ANXA13: variants seen among roughly 807,000 people sequenced by gnomAD.
The protein encoded by ANXA13 is annexin XIII.
In ANXA13, 36 loss-of-function variants were observed where a neutral mutation model predicts 46.6. The observed-to-expected ratio is 0.77, with a 90% CI of 0.59 to 1.02. ANXA13 has a LOEUF of 1.02. ANXA13 is among the 50% of genes least tolerant of loss of function. ANXA13 has a pLI of 0.00. For synonymous variants in ANXA13, 163 were observed against 152.9 expected (o/e 1.07, Z -0.49); for missense variants, 417 against 396.5 (o/e 1.05, Z -0.44).
At chr8:123,735,635 A>G in intron 1 of ANXA13, 2 of 1,244,678 alleles carry the variant, frequency 1.6e-6, no homozygotes, top group East Asian at 2.6e-5. Flanking sequence ...TGGAAGTCAC[A>G]CCTGATGATG....
At chr8:123,732,168 C>T (rs979240352) in intron 1 of ANXA13, among the ~76,000 whole-genome samples, 1 of 152,164 alleles carries the variant, frequency 6.6e-6, no homozygotes, top group Admixed American at 6.5e-5. Context: ...TGTGCTTGAC[C>T]TCTTACTAGC....
chr8:123,684,862 C>T (rs1813111911), intron 9 of ANXA13, 140 bp from the exon 10 acceptor site: 13 of 637,378 alleles, frequency 2.0e-5, no homozygotes, highest in Admixed American at 5.4e-5. Context: ...GACTTGACAC[C>T]GTTGCGAAAT....
chr8:123,735,839 C>T (rs1220179910), intron 1 of ANXA13: 1 of 1,612,090 alleles, frequency 6.2e-7, no homozygotes, highest in Non-Finnish European at 8.5e-7. Flanking sequence ...CCCCTTTAGG[C>T]AACTGTTGAC....
intron 1 of ANXA13, among the ~76,000 whole-genome samples, chr8:123,715,785 G>A (rs540605529): frequency 2.0e-5 from 3 of 152,170 alleles, no homozygotes; most frequent in Non-Finnish European, 2.9e-5. Context: ...GCCAGGCAGC[G>A]GTTGAGTGGG....
intron 10 of ANXA13, among the ~76,000 whole-genome samples, chr8:123,682,298 C>T (rs1813054020): frequency 6.6e-6 from 1 of 152,172 alleles, no homozygotes; most frequent in Admixed American, 6.5e-5. Flanking sequence ...AAAAATAAAT[C>T]CAAAGATTGC....
intron 1 of ANXA13, chr8:123,729,210 A>T (rs1814061544): frequency 6.6e-6 from 1 of 152,214 alleles, no homozygotes; most frequent in South Asian, 2.1e-4. Context: ...ATCTGGAGCT[A>T]TGTGAGGCCA....
At chr8:123,735,406 A>T (rs1338069802) in intron 1 of ANXA13, among the ~76,000 whole-genome samples, 1 of 152,076 alleles carries the variant, frequency 6.6e-6, no homozygotes, top group African/African-American at 2.4e-5. Context: ...AAGATTTTGT[A>T]TTTACTTTTT....
chr8:123,725,407 A>G (rs560378659), intron 1 of ANXA13, among the ~76,000 whole-genome samples: 2 of 152,306 alleles, frequency 1.3e-5, no homozygotes, highest in South Asian at 2.1e-4. Context: ...TCCATCTCCT[A>G]TCTCTCTCAG....
At chr8:123,721,248 T>C (rs1257469663) in intron 1 of ANXA13, among the ~76,000 whole-genome samples, 3 of 152,206 alleles carry the variant, frequency 2.0e-5, no homozygotes, top group Admixed American at 1.3e-4. Context: ...TTGCCTTGTA[T>C]AGATCTTAAG....
intron 9 of ANXA13, among the ~76,000 whole-genome samples, chr8:123,686,489 A>G (rs1353028494): frequency 6.6e-6 from 1 of 151,634 alleles, no homozygotes; most frequent in Non-Finnish European, 1.5e-5. Context: ...AAAGAAAGAA[A>G]GAAAAAAACC....
chr8:123,722,553 G>T (rs1407176131), intron 1 of ANXA13, among the ~76,000 whole-genome samples: 1 of 152,130 alleles, frequency 6.6e-6, no homozygotes, highest in Non-Finnish European at 1.5e-5. Flanking sequence ...AATGAAAAAT[G>T]AAGTCACCGC....
intron 1 of ANXA13, among the ~76,000 whole-genome samples, chr8:123,714,265 C>T (rs754375006): frequency 6.6e-6 from 1 of 152,142 alleles, no homozygotes; most frequent in Non-Finnish European, 1.5e-5. Context: ...AGGCACGTGT[C>T]CTGTGACTCT....
chr8:123,701,637 G>A (rs1488108257), intron 3 of ANXA13, among the ~76,000 whole-genome samples: 1 of 152,138 alleles, frequency 6.6e-6, no homozygotes, highest in East Asian at 1.9e-4. Flanking sequence ...CAGCCATTTG[G>A]GCCATTTAGT....
chr8:123,692,539 T>C (rs886209149), intron 8 of ANXA13, among the ~76,000 whole-genome samples: 3 of 152,196 alleles, frequency 2.0e-5, no homozygotes, highest in Admixed American at 1.3e-4. Flanking sequence ...AAATTTATCC[T>C]GGGATTAAAA....
intron 1 of ANXA13, among the ~76,000 whole-genome samples, chr8:123,720,864 G>A (rs1409282678): frequency 6.6e-6 from 1 of 152,252 alleles, no homozygotes; most frequent in Middle Eastern, 3.4e-3. Flanking sequence ...GCCTCCATAA[G>A]TATTAGGATT....
At chr8:123,707,032 G>C (rs1331369996) in intron 2 of ANXA13, among the ~76,000 whole-genome samples, 1 of 152,210 alleles carries the variant, frequency 6.6e-6, no homozygotes, top group Non-Finnish European at 1.5e-5. Context: ...CTCTCATGCT[G>C]CCTGCTCTTC....
chr8:123,698,326 G>C, intron 4 of ANXA13, 63 bp downstream of exon 4: 5 of 1,562,014 alleles, frequency 3.2e-6, no homozygotes, highest in Non-Finnish European at 3.5e-6. Flanking sequence ...GGTCCCTTCT[G>C]GGGGGCTGCA....
intron 1 of ANXA13, among the ~76,000 whole-genome samples, chr8:123,734,776 A>G (rs1294379160): frequency 1.3e-5 from 2 of 149,084 alleles, no homozygotes; most frequent in African/African-American, 2.5e-5. Context: ...AATATAAAGC[A>G]TCCTAGATCA....
chr8:123,723,250 G>A (rs1277833673), intron 1 of ANXA13, among the ~76,000 whole-genome samples: 1 of 152,204 alleles, frequency 6.6e-6, no homozygotes, highest in African/African-American at 2.4e-5. Flanking sequence ...GTCCTCGGAG[G>A]ACCAAAGAAA....
Sources: gnomAD v4.1 joint callset for allele counts (sites outside exome capture counted in the v4.1 genomes callset) on GRCh38, gnomAD v4.1.1 for gene constraint, MANE v1.5 for transcripts, NCBI Gene and HGNC (gene_info 2026-07-23, HGNC 2026-07-21) for gene names.